Variants in MEIS2 observed in about 807,000 individuals in gnomAD.
MEIS2 encodes the protein Meis homeobox 2, also known as homeobox protein Meis2.
MEIS2 carries 9 observed loss-of-function variants against 58.6 expected under a neutral mutation model. The ratio of observed to expected loss-of-function variants is 0.15; its 90% CI spans 0.09 to 0.27. The LOEUF is 0.27. MEIS2 is among the 10% of genes least tolerant of loss of function. MEIS2 has a pLI of 1.00. For synonymous variants in MEIS2, 221 were observed against 228.4 expected (o/e 0.97, Z 0.29); for missense variants, 427 against 635.0 (o/e 0.67, Z 3.52).
At chr15:36,907,708 T>G (rs2056809477) in intron 9 of MEIS2, among the ~76,000 whole-genome samples, 1 of 152,238 alleles carries the variant, frequency 6.6e-6, no homozygotes. Context: ...TTTTAGCACT[T>G]TTAAAGGGAA....
rs2055853856 is a variant in MEIS2 at position 36,891,496 on chromosome 15, G to C, written c.*677C>G. The C allele has an allele frequency of 6.5e-6, 1 of 152,684 alleles. No homozygotes were observed. The highest frequency in any genetic ancestry group is 2.4e-5 in the African/African-American group (1 of 41,432). 9.5% of individuals were successfully genotyped at this position (152,684 alleles called of 1,614,324 possible). ...AACTCCTGGAAGAAGCTCCTGCTCT[G>C]TCTTTAAATCTTCATTGGCAAGCTC... is the stretch of plus-strand genomic sequence containing the variant. On this transcript the variant is annotated 3_prime_UTR_variant, in exon 12 of 12. Coordinates refer to ENST00000561208, the MANE Select transcript of MEIS2 (RefSeq NM_170675.5).
At chr15:36,983,249 T>C (rs28750470) in intron 8 of MEIS2, among the ~76,000 whole-genome samples, 44,314 of 152,072 alleles carry the variant, frequency 0.29, 6,931 homozygotes, top group Non-Finnish European at 0.34. Context: ...GATCTTTCCC[T>C]ATCTTTTCTT....
intron 9 of MEIS2, among the ~76,000 whole-genome samples, chr15:36,936,743 T>C (rs2058189752): frequency 6.6e-6 from 1 of 152,244 alleles, no homozygotes; most frequent in Non-Finnish European, 1.5e-5. Flanking sequence ...CTTTTTATTA[T>C]GAATGCCCAG....
chr15:37,009,357 C>T (rs1005761666), intron 8 of MEIS2, among the ~76,000 whole-genome samples: 1 of 152,198 alleles, frequency 6.6e-6, no homozygotes, highest in Admixed American at 6.5e-5. Context: ...AATTTGGTCT[C>T]ATCTTCACAT....
chr15:36,986,950 G>A (rs2060112277), intron 8 of MEIS2, among the ~76,000 whole-genome samples: 1 of 152,132 alleles, frequency 6.6e-6, no homozygotes, highest in South Asian at 2.1e-4. Context: ...AACATTTCAG[G>A]AAGCCAGGCC....
chr15:36,909,783 T>TG (rs1240940145), intron 9 of MEIS2, among the ~76,000 whole-genome samples: 1 of 126,578 alleles, frequency 7.9e-6, no homozygotes, highest in African/African-American at 3.1e-5. Flanking sequence ...CTGGGGATGA[T>TG]GGGGCAGTTG....
intron 9 of MEIS2, among the ~76,000 whole-genome samples, chr15:36,907,344 A>G (rs2056790649): frequency 6.6e-6 from 1 of 152,228 alleles, no homozygotes; most frequent in Non-Finnish European, 1.5e-5. Context: ...TGGTGTGGAA[A>G]CAAATGGTTC....
chr15:36,913,155 T>C (rs2057121161), intron 9 of MEIS2, among the ~76,000 whole-genome samples: 2 of 152,230 alleles, frequency 1.3e-5, no homozygotes, highest in South Asian at 2.1e-4. Flanking sequence ...TGCTTACTGC[T>C]ACCATCCAAC....
At chr15:37,022,740 G>A (rs2141679634) in intron 8 of MEIS2, among the ~76,000 whole-genome samples, 1 of 152,208 alleles carries the variant, frequency 6.6e-6, no homozygotes, top group Middle Eastern at 3.4e-3. Context: ...CCAGGAGGGA[G>A]CAATTCAAGC....
At position 37,009,167 on chromosome 15, in the gene MEIS2, T is replaced by C. The variant is rs182461165; in HGVS notation, c.900+27647A>G. ...AACCAGGCGTGGTGGCGGGCGCCTA[T>C]AGTCCCAGCTACTCGGGAGGCTGAG... On this transcript the variant is annotated intron_variant, in intron 8 of 11. Transcript: ENST00000561208. Among the ~76,000 whole-genome samples, 1,479 of 152,148 alleles carry C rather than the reference T, an allele frequency of 9.7e-3. 25 individuals are homozygous for C. Among genetic ancestry groups the C allele is most frequent in the African/African-American group, 0.034 (1,430 of 41,518 alleles).
chr15:36,932,641 G>A (rs2058024651), intron 9 of MEIS2, among the ~76,000 whole-genome samples: 1 of 152,022 alleles, frequency 6.6e-6, no homozygotes, highest in South Asian at 2.1e-4. Context: ...TAAGATTGTG[G>A]GCAAAACTGT....
intron 6 of MEIS2, 69 bp from the exon 7 acceptor site, chr15:37,083,954 A>G: frequency 7.1e-7 from 1 of 1,404,070 alleles, no homozygotes; most frequent in Non-Finnish European, 1.0e-6. Flanking sequence ...ACCAAAAGGA[A>G]CGGCACAGAA....
intron 8 of MEIS2, among the ~76,000 whole-genome samples, chr15:37,031,299 A>T (rs917679878): frequency 6.6e-6 from 1 of 152,150 alleles, no homozygotes; most frequent in Non-Finnish European, 1.5e-5. Flanking sequence ...GGACTGCCTC[A>T]TTTAAGAAAG....
At chr15:36,903,269 A>G (rs886113555) in intron 9 of MEIS2, among the ~76,000 whole-genome samples, 3 of 152,182 alleles carry the variant, frequency 2.0e-5, no homozygotes, top group African/African-American at 7.2e-5. Context: ...ATATGTAGCT[A>G]TTTATCATGC....
intron 8 of MEIS2, among the ~76,000 whole-genome samples, chr15:36,979,128 C>T (rs1205098139): frequency 6.6e-6 from 1 of 152,050 alleles, no homozygotes; most frequent in Non-Finnish European, 1.5e-5. Context: ...ATGAAAAATT[C>T]CACAGCTGAC....
chr15:36,950,798 C>G (rs1284031627), intron 8 of MEIS2, among the ~76,000 whole-genome samples: 1 of 152,038 alleles, frequency 6.6e-6, no homozygotes, highest in African/African-American at 2.4e-5. Flanking sequence ...TCTAAATTAT[C>G]TTTGTGAGAT....
At chr15:36,960,518 A>G (rs866608359) in intron 8 of MEIS2, among the ~76,000 whole-genome samples, 1 of 152,100 alleles carries the variant, frequency 6.6e-6, no homozygotes, top group Non-Finnish European at 1.5e-5. Flanking sequence ...ACAACCCCTT[A>G]ATAAGAGTTA....
intron 8 of MEIS2, among the ~76,000 whole-genome samples, chr15:36,971,692 T>C (rs1002784290): frequency 1.3e-5 from 2 of 152,048 alleles, no homozygotes; most frequent in African/African-American, 4.8e-5. Flanking sequence ...ACACAATTCA[T>C]GTAAAAAGAA....
intron 3 of MEIS2, 28 bp downstream of exon 3, chr15:37,096,261 G>C (rs770285635): frequency 1.3e-6 from 2 of 1,566,866 alleles, no homozygotes; most frequent in South Asian, 2.3e-5. Flanking sequence ...GGGACTGCCC[G>C]AAGTTGAGTG....
Sources: gnomAD v4.1 joint callset for allele counts (sites outside exome capture counted in the v4.1 genomes callset) on GRCh38, gnomAD v4.1.1 for gene constraint, MANE v1.5 for transcripts, NCBI Gene and HGNC (gene_info 2026-07-23, HGNC 2026-07-21) for gene names.